SRRM4: variants seen among roughly 807,000 people sequenced by gnomAD.
SRRM4 encodes the protein serine/arginine repetitive matrix 4.
Under a neutral mutation model 68.9 loss-of-function variants are expected in SRRM4, and 33 were observed. The ratio of observed to expected loss-of-function variants is 0.48; its 90% confidence interval spans 0.36 to 0.64. SRRM4 has a LOEUF of 0.64. Among genes scored for constraint, SRRM4 ranks in the 30% least tolerant of loss-of-function variants. SRRM4 has a pLI of 0.00. For synonymous variants in SRRM4, 318 were observed against 318.8 expected (o/e 1.00, Z 0.03); for missense variants, 817 against 827.1 (o/e 0.99, Z 0.15).
chr12:119,153,698 T>G (rs891897543), intron 11 of SRRM4, 49 bp downstream of exon 11: 1 of 1,376,962 alleles, frequency 7.3e-7, no homozygotes. Context: ...CCCACCCCTT[T>G]GCTCTGATCC....
chr12:118,989,689 T>C (rs1953303885), intron 1 of SRRM4: 2 of 152,170 alleles, frequency 1.3e-5, no homozygotes. Flanking sequence ...TGCCGAACCC[T>C]AAAACAGTCA....
At chr12:119,020,614 G>A (rs1224719722) in intron 1 of SRRM4, among the ~76,000 whole-genome samples, 1 of 152,170 alleles carries the variant, frequency 6.6e-6, no homozygotes, top group East Asian at 1.9e-4. Flanking sequence ...AGCTGGTGGC[G>A]TTGAAAAGGT....
chr12:119,033,044 C>A (rs1453975075), intron 1 of SRRM4, among the ~76,000 whole-genome samples: 2 of 151,946 alleles, frequency 1.3e-5, no homozygotes, highest in Non-Finnish European at 2.9e-5. Context: ...TTATTGTTGA[C>A]TTTTTTCAAG....
At chr12:119,060,030 G>A (rs1953800996) in intron 1 of SRRM4, among the ~76,000 whole-genome samples, 1 of 151,980 alleles carries the variant, frequency 6.6e-6, no homozygotes, top group African/African-American at 2.4e-5. Flanking sequence ...AAAGCCCTAG[G>A]GTGGAAGTTG....
chr12:119,083,844 T>C (rs1224977014), intron 1 of SRRM4, among the ~76,000 whole-genome samples: 1 of 152,112 alleles, frequency 6.6e-6, no homozygotes, highest in Non-Finnish European at 1.5e-5. Flanking sequence ...CAGCTGGGCA[T>C]CTAAATACAC....
intron 1 of SRRM4, among the ~76,000 whole-genome samples, chr12:119,004,783 G>A (rs1280890625): frequency 1.3e-5 from 2 of 151,970 alleles, no homozygotes; most frequent in East Asian, 2.0e-4. Flanking sequence ...TGCCGAAGAC[G>A]TAGGGAGTGA....
chr12:119,141,269 C>A (rs1954363640), intron 8 of SRRM4, among the ~76,000 whole-genome samples: 1 of 152,126 alleles, frequency 6.6e-6, no homozygotes, highest in Non-Finnish European at 1.5e-5. Context: ...TGAATGCTCC[C>A]AGCATAAAGA....
chr12:119,034,810 A>C (rs758332419), intron 1 of SRRM4, among the ~76,000 whole-genome samples: 20 of 152,160 alleles, frequency 1.3e-4, no homozygotes, highest in Non-Finnish European at 2.1e-4. Flanking sequence ...TGTCTGATGA[A>C]TCTTTAGCCA....
intron 1 of SRRM4, among the ~76,000 whole-genome samples, chr12:119,014,998 TA>T (rs1953472408): frequency 1.3e-5 from 2 of 152,114 alleles, no homozygotes; most frequent in Non-Finnish European, 2.9e-5. Context: ...ACAACTTAAG[TA>T]TCCAACAAAA....
intron 1 of SRRM4, among the ~76,000 whole-genome samples, chr12:119,100,714 C>T (rs1402840829): frequency 2.0e-5 from 3 of 152,168 alleles, no homozygotes; most frequent in Admixed American, 2.0e-4. Context: ...AGAGGCAAGC[C>T]TTGCTGGGTG....
At chr12:119,038,666 A>T (rs1366326367) in intron 1 of SRRM4, among the ~76,000 whole-genome samples, 1 of 152,126 alleles carries the variant, frequency 6.6e-6, no homozygotes, top group East Asian at 1.9e-4. Flanking sequence ...CCTTCTTATC[A>T]GACAGTATCA....
At position 119,157,412 on chromosome 12, in the gene SRRM4, G is replaced by A. The variant is rs1954481254; in HGVS notation, c.*614G>A. On this transcript the variant is annotated 3_prime_UTR_variant, in exon 13 of 13. Transcript: ENST00000267260. This position sits in a 1 kb window ranked among gnomAD's most constrained non-coding sequence, Gnocchi z 4.1. Reference sequence around the variant, plus strand: ...CAGATGGGGACGTTTGACTTGGTGGGAGGTGTCAGGAGATAGGAGTTGGTT... The same window carrying A: ...CAGATGGGGACGTTTGACTTGGTGGAAGGTGTCAGGAGATAGGAGTTGGTT... 1 of 153,184 alleles carries A rather than the reference G, an allele frequency of 6.5e-6. No individual in the cohort carries two copies. The highest frequency in any genetic ancestry group is 1.5e-5 in the Non-Finnish European group (1 of 68,802). The allele number at this position is 153,184 out of a possible 1,614,324, so 9.5% of individuals were successfully genotyped here.
chr12:119,026,496 T>G (rs1421660239), intron 1 of SRRM4, among the ~76,000 whole-genome samples: 1 of 152,066 alleles, frequency 6.6e-6, no homozygotes, highest in Non-Finnish European at 1.5e-5. Flanking sequence ...TCTCATTTTA[T>G]CACCACAAAT....
At chr12:119,035,193 T>A (rs938034973) in intron 1 of SRRM4, among the ~76,000 whole-genome samples, 2 of 152,186 alleles carry the variant, frequency 1.3e-5, no homozygotes, top group African/African-American at 4.8e-5. Flanking sequence ...TCTTTAACTA[T>A]ATAATTCGTG....
intron 1 of SRRM4, among the ~76,000 whole-genome samples, chr12:118,999,256 C>T (rs956315638): frequency 5.3e-5 from 8 of 152,230 alleles, no homozygotes; most frequent in South Asian, 2.1e-4. Context: ...TATTTCTGGC[C>T]GTGTGTTCTG....
intron 1 of SRRM4, among the ~76,000 whole-genome samples, chr12:119,065,660 A>G (rs560540287): frequency 3.3e-5 from 5 of 152,246 alleles, no homozygotes; most frequent in South Asian, 2.1e-4. Context: ...GCTTGAACCC[A>G]TAAGGAGGAG....
At chr12:119,135,565 C>A (rs1188878833) in intron 8 of SRRM4, among the ~76,000 whole-genome samples, 1 of 152,120 alleles carries the variant, frequency 6.6e-6, no homozygotes, top group African/African-American at 2.4e-5. Context: ...CCCTGTGAGA[C>A]CCTAGGTGAC....
Position 119,154,469 on chromosome 12 carries a change from C to G in SRRM4, c.1532+86C>G. 1 of 1,458,370 alleles carries G rather than the reference C, an allele frequency of 6.9e-7. No homozygotes were observed. Among genetic ancestry groups the G allele is most frequent in the East Asian group, 2.4e-5 (1 of 41,906 alleles). The allele number at this position is 1,458,370 out of a possible 1,614,324, so 90.3% of individuals were successfully genotyped here. ...ATTCGAGCCTCAGGCTCTCCCTAGG[C>G]CTCCTTGGGGCTGGGATTTAGGATT... On this transcript the variant is annotated intron_variant, in intron 12 of 12. Coordinates refer to ENST00000267260, the MANE Select transcript of SRRM4 (RefSeq NM_194286.4). This position sits in a 1 kb window ranked among gnomAD's most constrained non-coding sequence, Gnocchi z 4.7.
intron 1 of SRRM4, among the ~76,000 whole-genome samples, chr12:119,091,865 T>G (rs2136037124): frequency 6.6e-6 from 1 of 152,232 alleles, no homozygotes; most frequent in African/African-American, 2.4e-5. Flanking sequence ...CCCATACCCC[T>G]ATATGAGAGT....
Sources: allele counts gnomAD v4.1 joint callset (sites outside exome capture counted in the v4.1 genomes callset), GRCh38; gene constraint gnomAD v4.1.1; non-coding constraint Gnocchi (gnomAD v3.1); transcripts MANE v1.5; gene names NCBI Gene and HGNC (gene_info 2026-07-23, HGNC 2026-07-21).